FAT2: variants seen among roughly 807,000 people sequenced by gnomAD.
FAT2 encodes FAT atypical cadherin 2.
In FAT2, 150 loss-of-function variants were observed where a neutral mutation model predicts 295.3. The observed-to-expected ratio is 0.51, with a 90% confidence interval of 0.44 to 0.58. The LOEUF is 0.58. Ranked by LOEUF, FAT2 falls within the 20% of genes least tolerant of loss-of-function variation. The pLI, the probability that FAT2 is intolerant of heterozygous loss-of-function variation, is 0.00. For missense variants in FAT2, 4,868 were observed against 5,442.7 expected, an observed-to-expected ratio of 0.89 and a Z score of 3.32; for synonymous variants, 2,026 against 2,150.3, an observed-to-expected ratio of 0.94 and a Z score of 1.60.
At chr5:151,576,004 G>A (rs903260248) in intron 1 of FAT2, among the ~76,000 whole-genome samples, 8 of 152,164 alleles carry the variant, frequency 5.3e-5, no homozygotes, top group Non-Finnish European at 1.0e-4. Context: ...GCTCTAAAGA[G>A]CACGGCATAG....
At chr5:151,548,387 G>T (rs140348559) in intron 9 of FAT2, among the ~76,000 whole-genome samples, 1 of 151,576 alleles carries the variant, frequency 6.6e-6, no homozygotes, top group Non-Finnish European at 1.5e-5. Context: ...GGATATTATC[G>T]CTTTTGTTAT....
Position 151,566,651 on chromosome 5 carries a change from C to A in FAT2, c.2281G>T (p.Gly761Cys). ...GTCTCCAGCTCTATGTCAAAGCAGC[C>A]CTCCTCATTGCCATCTGCAATCACA... ...VYVIADGNEE[G>C]CFDIELETGL... The change falls in exon 2 of 24, where the codon GGC becomes TGC. Residue 761 changes from glycine to cysteine, a missense_variant. Gly to Cys is a radical substitution (Grantham distance 159). Coordinates refer to ENST00000261800, the MANE Select transcript of FAT2 (RefSeq NM_001447.3). The A allele has an allele frequency of 6.2e-7, 1 of 1,614,188 alleles. No individual in the cohort carries two copies. The highest frequency in any genetic ancestry group is 1.1e-5 in the South Asian group (1 of 91,088).
Position 151,565,657 on chromosome 5 carries a change from A to ACCCC in FAT2, c.3259+12_3259+15dup. On this transcript the variant is annotated intron_variant, in intron 2 of 23. Transcript: ENST00000261800. The stretch of plus-strand genomic sequence containing the variant: ...ACCTCTGGCCCTGGCACCCCACCCT[A>ACCCC]CCCCACCCCCAGTACCTGTATCTTG... 7 of 1,038,288 alleles carry ACCCC rather than the reference A, an allele frequency of 6.7e-6. No individual in the cohort carries two copies. Among genetic ancestry groups the ACCCC allele is most frequent in the African/African-American group, 3.6e-5 (2 of 55,226 alleles). 64.3% of individuals were successfully genotyped at this position (1,038,288 alleles called of 1,614,324 possible).
In FAT2 at chr5:151,567,713, T is replaced by C; in HGVS notation, c.1219A>G (p.Lys407Glu). ...LKPSSENVGF[K>E]LNARTGLITT... ...ATCAACCCAGTTCGAGCATTAAGTTTAAATCCTACATTCTCTGAAGATGGC... is the reference window on the plus strand; with the variant it reads ...ATCAACCCAGTTCGAGCATTAAGTTCAAATCCTACATTCTCTGAAGATGGC... Residue 407 changes from lysine (K) to glutamate (E), a missense_variant, in exon 2 of 24, where the codon AAA (lysine) becomes GAA (glutamate). Lys to Glu is a moderately conservative substitution (Grantham distance 56). Around this residue, in one of 5 missense-constraint regions of FAT2, gnomAD observed 3,297 missense variants for 3,669.4 expected, o/e 0.90. Coordinates refer to ENST00000261800, the MANE Select transcript of FAT2 (RefSeq NM_001447.3). 1 of 1,614,226 alleles carries C rather than the reference T, an allele frequency of 6.2e-7. No individual in the cohort carries two copies.
intron 1 of FAT2, among the ~76,000 whole-genome samples, chr5:151,585,750 T>C (rs1013303847): frequency 9.2e-5 from 14 of 152,198 alleles, no homozygotes; most frequent in Non-Finnish European, 1.8e-4. Context: ...TCCAAGAGTT[T>C]GAGCTTCTAG....
intron 1 of FAT2, among the ~76,000 whole-genome samples, 36 bp downstream of exon 1, chr5:151,591,129 C>T (rs1000425715): frequency 3.3e-5 from 5 of 152,256 alleles, no homozygotes; most frequent in East Asian, 1.9e-4. Context: ...TTTGCTGCCC[C>T]CCTCCCGCAT....
intron 6 of FAT2, 108 bp downstream of exon 6, chr5:151,553,069 G>A (rs970660121): frequency 3.0e-5 from 34 of 1,136,978 alleles, no homozygotes; most frequent in Middle Eastern, 2.4e-4. Flanking sequence ...AGGGGCTGCC[G>A]AGGAGCCCGA....
chr5:151,582,763 C>T (rs545083737), intron 1 of FAT2, among the ~76,000 whole-genome samples: 3 of 152,240 alleles, frequency 2.0e-5, no homozygotes, highest in East Asian at 1.9e-4. Flanking sequence ...TGTTAAAAAT[C>T]GCAACCTCTT....
At chr5:151,529,496 A>C in intron 14 of FAT2, 104 bp from the exon 15 acceptor site, 2 of 883,002 alleles carry the variant, frequency 2.3e-6, no homozygotes, top group Admixed American at 4.0e-5. Context: ...CAACAGGGCT[A>C]GGCAAGGTAA....
At position 151,510,013 on chromosome 5, in the gene FAT2, G is replaced by A. The variant is rs1761197028; in HGVS notation, c.12059+8C>T. The A allele has an allele frequency of 6.2e-7, 1 of 1,613,714 alleles. No individual in the cohort carries two copies. Among genetic ancestry groups the A allele is most frequent in the African/African-American group, 1.3e-5 (1 of 75,034 alleles). On this transcript the variant is annotated splice_region_variant and intron_variant, in intron 22 of 23. Coordinates refer to ENST00000261800, the MANE Select transcript of FAT2 (RefSeq NM_001447.3). ...GAGCCCATGGCAGGTGGCCTCTCCTGGGATTACCTGTCTCCTGTGTAAGGA... is the reference window on the plus strand; with the variant it reads ...GAGCCCATGGCAGGTGGCCTCTCCTAGGATTACCTGTCTCCTGTGTAAGGA...
upstream of FAT2, among the ~76,000 whole-genome samples, chr5:151,592,451 G>GC (rs1759451295): frequency 3.3e-5 from 5 of 151,970 alleles, no homozygotes; most frequent in South Asian, 1.0e-3. Context: ...AGGTCTTGAA[G>GC]CCCCTCTGCA....
intron 1 of FAT2, among the ~76,000 whole-genome samples, chr5:151,576,031 G>A (rs552702805): frequency 6.6e-6 from 1 of 152,336 alleles, no homozygotes; most frequent in South Asian, 2.1e-4. Flanking sequence ...CAGGATTCAT[G>A]AGATTCAGAG....
At chr5:151,513,899 T>C (rs1055853537) in intron 20 of FAT2, among the ~76,000 whole-genome samples, 1 of 152,328 alleles carries the variant, frequency 6.6e-6, no homozygotes, top group South Asian at 2.1e-4. Flanking sequence ...TAACCAAAAC[T>C]TCCCTGGAAT....
chr5:151,544,012 A>C lies in FAT2; in HGVS notation c.7115T>G (p.Ile2372Ser), dbSNP rs1756399812. 1 of 1,614,212 alleles carries C rather than the reference A, an allele frequency of 6.2e-7. No homozygotes were observed. The highest frequency in any genetic ancestry group is 8.5e-7 in the Non-Finnish European group (1 of 1,180,034). Reference protein sequence around the residue: ...ETLVVVNVSDINDNPPEFRQP... With the variant: ...ETLVVVNVSDSNDNPPEFRQP... ...TCTGAACTCTGGGGGGTTGTCATTG[A>C]TATCAGACACATTGACAACCACAAG... is the stretch of plus-strand genomic sequence containing the variant. The change falls in exon 10 of 24, where the codon ATC (isoleucine) becomes AGC (serine). Residue 2372 changes from isoleucine to serine, a missense_variant. By Grantham distance (142) the Ile-to-Ser change is moderately radical. Transcript: ENST00000261800.
chr5:151,516,880 C>T (rs1167653092), intron 20 of FAT2, among the ~76,000 whole-genome samples: 4 of 151,896 alleles, frequency 2.6e-5, no homozygotes, highest in Admixed American at 6.6e-5. Flanking sequence ...CCGAGGCAGG[C>T]GGATCACCTG....
At chr5:151,527,436 CCT>C (rs1290215798) in intron 16 of FAT2, 59 bp from the exon 17 acceptor site, 14 of 1,460,170 alleles carry the variant, frequency 9.6e-6, no homozygotes, top group African/African-American at 7.1e-5. Flanking sequence ...ACTTCTGCCC[CCT>C]GAGTCATCAC....
intron 3 of FAT2, among the ~76,000 whole-genome samples, chr5:151,559,819 T>C (rs1757944078): frequency 6.6e-6 from 1 of 152,052 alleles, no homozygotes; most frequent in South Asian, 2.1e-4. Context: ...CTCATCCTCC[T>C]CTCTGAAGTC....
rs1431386178 is a variant in FAT2 at position 151,512,617 on chromosome 5, A to G, written c.11464-11T>C. ...CACTCCACTGGCCAGCTGCAAAGGA[A>G]ATCCAAACAGCCATCAGCAAAGCCA... is the stretch of plus-strand genomic sequence containing the variant. On this transcript the variant is annotated splice_polypyrimidine_tract_variant and intron_variant, in intron 20 of 23. Transcript: ENST00000261800. The surrounding 1 kb of genome is among the most constrained non-coding windows in gnomAD (Gnocchi z 4.1). 1 of 1,584,616 alleles carries G rather than the reference A, an allele frequency of 6.3e-7. No individual in the cohort carries two copies.
intron 3 of FAT2, among the ~76,000 whole-genome samples, chr5:151,562,046 A>G (rs1261152094): frequency 6.6e-6 from 1 of 152,196 alleles, no homozygotes; most frequent in Non-Finnish European, 1.5e-5. Context: ...AGCCAGCTTC[A>G]GCCTGTTTTC....
Sources: allele counts gnomAD v4.1 joint callset (sites outside exome capture counted in the v4.1 genomes callset), GRCh38; gene constraint gnomAD v4.1.1; regional missense constraint gnomAD v4.1.1; non-coding constraint Gnocchi (gnomAD v3.1); transcripts MANE v1.5; gene names NCBI Gene and HGNC (gene_info 2026-07-23, HGNC 2026-07-21).